RELN: variants seen among roughly 807,000 people sequenced by gnomAD.
The protein encoded by RELN is reelin.
In RELN, 108 loss-of-function variants were observed where a neutral mutation model predicts 427.6. That is an observed-to-expected ratio of 0.25 (90% CI 0.22 to 0.30). The LOEUF (loss-of-function observed/expected upper bound fraction) is 0.30, where lower values mean the gene tolerates loss of function less well. Ranked by LOEUF, RELN falls within the 10% of genes least tolerant of loss-of-function variation. The pLI, the probability that RELN is intolerant of heterozygous loss-of-function variation, is 1.00. For synonymous variants in RELN, 1,524 were observed against 1,513.4 expected (o/e 1.01, Z -0.16); for missense variants, 3,715 against 4,302.8 (o/e 0.86, Z 3.82).
intron 8 of RELN, among the ~76,000 whole-genome samples, chr7:103,704,197 C>T (rs2115812800): frequency 6.6e-6 from 1 of 152,292 alleles, no homozygotes; most frequent in African/African-American, 2.4e-5. Flanking sequence ...TAGCAACTGT[C>T]ACACTATCAC....
chr7:103,854,574 G>T (rs1005902392), intron 2 of RELN, among the ~76,000 whole-genome samples: 1 of 152,138 alleles, frequency 6.6e-6, no homozygotes, highest in Non-Finnish European at 1.5e-5. Context: ...AAGAGACTTA[G>T]TATGAAAAAA....
At chr7:103,494,281 C>A (rs1213680456) in intron 57 of RELN, among the ~76,000 whole-genome samples, 1 of 151,778 alleles carries the variant, frequency 6.6e-6, no homozygotes, top group Non-Finnish European at 1.5e-5. Context: ...TATTAACTGT[C>A]ATTGTAGTAC....
intron 49 of RELN, among the ~76,000 whole-genome samples, chr7:103,516,761 T>C (rs1478085931): frequency 6.6e-6 from 1 of 152,180 alleles, no homozygotes; most frequent in African/African-American, 2.4e-5. Flanking sequence ...GTCTTTCACA[T>C]TAAAGAGATT....
intron 2 of RELN, among the ~76,000 whole-genome samples, chr7:103,910,601 T>C (rs1351603297): frequency 7.1e-6 from 1 of 141,404 alleles, no homozygotes; most frequent in African/African-American, 2.7e-5. Context: ...GACTTCAAAC[T>C]ATACTACAAG....
chr7:103,661,675 ATTAAACT>A, intron 11 of RELN, 148 bp from the exon 12 acceptor site: 1 of 778,838 alleles, frequency 1.3e-6, no homozygotes, highest in Non-Finnish European at 2.1e-6. Flanking sequence ...TTAGGCAATG[ATTAAACT>A]TTAAACACAA....
chr7:103,749,407 G>T lies in RELN; in HGVS notation c.656+19C>A, dbSNP rs771635351. 1.3e-6 allele frequency: 2 copies of T among 1,592,700 alleles called. No homozygotes were observed. Among genetic ancestry groups the T allele is most frequent in the South Asian group, 1.1e-5 (1 of 90,672 alleles). On this transcript the variant is annotated intron_variant, in intron 6 of 64. Transcript: ENST00000428762. ...GTTACATTAAGCAAACCAAAGTGAGGAATGTTCCTGTAACTTACCATATAT... is the reference window on the plus strand; with the variant it reads ...GTTACATTAAGCAAACCAAAGTGAGTAATGTTCCTGTAACTTACCATATAT...
intron 10 of RELN, among the ~76,000 whole-genome samples, chr7:103,693,118 G>A (rs1833905021): frequency 6.6e-6 from 1 of 152,042 alleles, no homozygotes; most frequent in Non-Finnish European, 1.5e-5. Context: ...TGATAGACTG[G>A]ATAAAGAAAA....
intron 4 of RELN, among the ~76,000 whole-genome samples, chr7:103,768,279 C>G (rs1257137357): frequency 6.6e-6 from 1 of 151,968 alleles, no homozygotes; most frequent in Non-Finnish European, 1.5e-5. Flanking sequence ...GATGGAAAAA[C>G]TCTAGCTCCT....
At chr7:103,871,710 A>T (rs902946389) in intron 2 of RELN, among the ~76,000 whole-genome samples, 1 of 152,140 alleles carries the variant, frequency 6.6e-6, no homozygotes, top group Non-Finnish European at 1.5e-5. Flanking sequence ...GGCCTCAGGT[A>T]TAAAGTATGA....
At chr7:103,541,486 T>G (rs890493993) in intron 43 of RELN, among the ~76,000 whole-genome samples, 43 of 152,186 alleles carry the variant, frequency 2.8e-4, no homozygotes, top group African/African-American at 1.0e-3. Context: ...CTGAAAAAAT[T>G]GGGATTTTAC....
intron 11 of RELN, among the ~76,000 whole-genome samples, chr7:103,677,638 T>A (rs1833565665): frequency 6.7e-6 from 1 of 149,968 alleles, no homozygotes; most frequent in South Asian, 2.1e-4. Flanking sequence ...TGGCGGTACG[T>A]GCCTGTAATC....
At position 103,565,553 on chromosome 7, in the gene RELN, T is replaced by TA. The variant is rs1215981955; in HGVS notation, c.4937-3_4937-2insT. ...AGGTCTCAGCATAACGAGGTTTTCC[T>TA]GAAAAAAAAAAATGTGTAATGGTAG... On this transcript the variant is annotated splice_region_variant and splice_polypyrimidine_tract_variant and intron_variant, in intron 33 of 64. Transcript: ENST00000428762. The TA allele has an allele frequency of 6.3e-7, 1 of 1,585,786 alleles. No individual in the cohort carries two copies. Among genetic ancestry groups the TA allele is most frequent in the Non-Finnish European group, 8.6e-7 (1 of 1,168,814 alleles).
intron 2 of RELN, among the ~76,000 whole-genome samples, chr7:103,857,995 T>G (rs1013045392): frequency 4.7e-5 from 7 of 149,868 alleles, no homozygotes; most frequent in Admixed American, 1.3e-4. Context: ...AACTACCCTC[T>G]TCAATGGTTT....
intron 6 of RELN, among the ~76,000 whole-genome samples, chr7:103,735,447 CT>C (rs1363396772): frequency 6.6e-6 from 1 of 152,080 alleles, no homozygotes; most frequent in Non-Finnish European, 1.5e-5. Context: ...TGAAATGTCC[CT>C]GTAGTCTGGG....
chr7:103,939,666 C>G (rs1796067596), intron 1 of RELN, among the ~76,000 whole-genome samples: 1 of 152,062 alleles, frequency 6.6e-6, no homozygotes, highest in Non-Finnish European at 1.5e-5. Context: ...AAACACACAG[C>G]CAGAGATTTA....
chr7:103,682,175 A>T lies in RELN; in HGVS notation c.1230T>A (p.Asp410Glu), dbSNP rs770884070. The T allele has an allele frequency of 1.2e-6, 2 of 1,614,048 alleles. No individual in the cohort carries two copies. The highest frequency in any genetic ancestry group is 8.5e-7 in the Non-Finnish European group (1 of 1,179,938). The change falls in exon 11 of 65, where the codon GAT becomes GAA. Residue 410 changes from aspartate to glutamate, a missense_variant. Physicochemically the swap from Asp to Glu is conservative, Grantham distance 45. Transcript: ENST00000428762. ...EFNFATTRDVDLSTEDIQEQW... is the reference protein window; with the variant it reads ...EFNFATTRDVELSTEDIQEQW... ...GCTCTTGAATATCTTCTGTGGAAAGATCTACATCCCTGGTGGTGGCAAAAT... is the reference window on the plus strand; with the variant it reads ...GCTCTTGAATATCTTCTGTGGAAAGTTCTACATCCCTGGTGGTGGCAAAAT...
At position 103,989,221 on chromosome 7, in the gene RELN, G is replaced by C; in HGVS notation, c.136C>G (p.Leu46Val). 6.2e-7 allele frequency: 1 copy of C among 1,614,118 alleles called. No homozygotes were observed. Among genetic ancestry groups the C allele is most frequent in the Non-Finnish European group, 8.5e-7 (1 of 1,179,998 alleles). The part of the protein sequence containing the change: ...FFFLCTHHGE[L>V]EGDGEQGEVL... The stretch of plus-strand genomic sequence containing the variant: ...TCGCCCTGCTCCCCATCCCCTTCCA[G>C]CTCCCCGTGGTGGGTGCACAGGAAA... Residue 46 changes from leucine (L) to valine (V), a missense_variant, in exon 1 of 65, where the codon CTG (leucine) becomes GTG (valine). Around this residue, in one of 4 missense-constraint regions of RELN, gnomAD observed 2,208 missense variants for 2,361.7 expected, o/e 0.93. Transcript: ENST00000428762. This position sits in a 1 kb window ranked among gnomAD's most constrained non-coding sequence, Gnocchi z 4.9.
chr7:103,532,857 C>T (rs933207651), intron 46 of RELN, among the ~76,000 whole-genome samples: 2 of 152,178 alleles, frequency 1.3e-5, no homozygotes, highest in African/African-American at 4.8e-5. Flanking sequence ...TGTACCTGTT[C>T]TCCATCACTT....
intron 55 of RELN, among the ~76,000 whole-genome samples, chr7:103,497,441 T>C (rs533861676): frequency 6.6e-6 from 1 of 152,156 alleles, no homozygotes; most frequent in African/African-American, 2.4e-5. Context: ...TTTCCATAGA[T>C]TATAGCATTT....
Sources: allele counts gnomAD v4.1 joint callset (sites outside exome capture counted in the v4.1 genomes callset), GRCh38; gene constraint gnomAD v4.1.1; regional missense constraint gnomAD v4.1.1; non-coding constraint Gnocchi (gnomAD v3.1); transcripts MANE v1.5; gene names NCBI Gene and HGNC (gene_info 2026-07-23, HGNC 2026-07-21).